Variants in SI observed in about 807,000 individuals in gnomAD.
SI encodes the protein sucrase-isomaltase, intestinal.
A neutral mutation model predicts 253.3 loss-of-function variants in SI; 235 were observed. That is an observed-to-expected ratio of 0.93 (90% CI 0.83 to 1.03). The LOEUF (loss-of-function observed/expected upper bound fraction) is 1.03, where lower values mean the gene tolerates loss of function less well. Ranked by LOEUF, SI falls within the 50% of genes least tolerant of loss-of-function variation. The pLI is 0.00. For synonymous variants in SI, 819 were observed against 712.0 expected (o/e 1.15, Z -2.39); for missense variants, 2,442 against 2,211.1 (o/e 1.10, Z -2.09).
At chr3:165,029,972 G>C (rs960998858) in intron 25 of SI, among the ~76,000 whole-genome samples, 1 of 150,324 alleles carries the variant, frequency 6.7e-6, no homozygotes, top group African/African-American at 2.4e-5. Flanking sequence ...AGAGAAATTG[G>C]GATAATTTCT....
intron 1 of SI, among the ~76,000 whole-genome samples, chr3:165,078,110 C>T (rs921272879): frequency 1.3e-5 from 2 of 151,038 alleles, no homozygotes; most frequent in Admixed American, 6.6e-5. Context: ...CTTTATTATT[C>T]ATCTATTTTT....
intron 37 of SI, among the ~76,000 whole-genome samples, chr3:165,006,475 TTA>T (rs1261502953): frequency 4.6e-5 from 7 of 152,336 alleles, no homozygotes; most frequent in African/African-American, 1.7e-4. Flanking sequence ...TGATATCAAA[TTA>T]TATGTTATTA....
At chr3:165,023,891 CA>C (rs1711763737) in intron 25 of SI, 115 bp from the exon 26 acceptor site, 1 of 771,094 alleles carries the variant, frequency 1.3e-6, no homozygotes. Context: ...TTCATTAATA[CA>C]AAAATGAAAT....
rs769773706 is a variant in SI at position 165,030,752 on chromosome 3, G to C, written c.2852C>G (p.Thr951Ser). ...FNCYPDADLATEQKCTQRGCV... is the reference protein window; with the variant it reads ...FNCYPDADLASEQKCTQRGCV... ...GCCACGTTGTGTGCACTTTTGTTCA[G>C]TTGCCAAATCTGCATCTGGATAACA... The change falls in exon 25 of 48, where the codon ACT (threonine) becomes AGT (serine). Residue 951 changes from threonine (T) to serine (S), a missense_variant. Thr to Ser is a moderately conservative substitution (Grantham distance 58). Coordinates refer to ENST00000264382, the MANE Select transcript of SI (RefSeq NM_001041.4). The C allele has an allele frequency of 3.0e-5, 49 of 1,608,646 alleles. 2 individuals are homozygous for C. Among genetic ancestry groups the C allele is most frequent in the South Asian group, 2.0e-4 (18 of 90,896 alleles).
chr3:165,012,573 C>T (rs939902460), intron 34 of SI, among the ~76,000 whole-genome samples: 1 of 150,918 alleles, frequency 6.6e-6, no homozygotes, highest in Non-Finnish European at 1.5e-5. Context: ...GGTCTACAGG[C>T]TCCCGCCACC....
chr3:165,060,332 AATAAG>A (rs1166926225), intron 9 of SI, among the ~76,000 whole-genome samples: 1 of 152,134 alleles, frequency 6.6e-6, no homozygotes, highest in African/African-American at 2.4e-5. Flanking sequence ...TAGAAAGTTA[AATAAG>A]ATAATACAAG....
chr3:165,055,402 T>C, intron 12 of SI, 95 bp from the exon 13 acceptor site: 1 of 724,304 alleles, frequency 1.4e-6, no homozygotes, highest in Non-Finnish European at 2.3e-6. Flanking sequence ...TAAAAAAAAA[T>C]AAAGTTATTC....
intron 22 of SI, among the ~76,000 whole-genome samples, chr3:165,033,970 T>A (rs1712393049): frequency 6.6e-6 from 1 of 151,744 alleles, no homozygotes; most frequent in East Asian, 1.9e-4. Flanking sequence ...AATACAATGA[T>A]TCTGTACCAT....
chr3:165,070,389 T>G (rs2108104048), intron 3 of SI, among the ~76,000 whole-genome samples: 1 of 147,108 alleles, frequency 6.8e-6, no homozygotes, highest in African/African-American at 2.5e-5. Flanking sequence ...TGTTTGAGTA[T>G]GTATTTATAT....
the SI span, among the ~76,000 whole-genome samples, chr3:165,084,824 T>C: frequency 6.6e-6 from 1 of 152,206 alleles, no homozygotes; most frequent in Non-Finnish European, 1.5e-5. Flanking sequence ...ATGATTTCTC[T>C]GTAACGGTTA....
At position 165,013,159 on chromosome 3, in the gene SI, T is replaced by C. The variant is rs1235866838; in HGVS notation, c.4000-117A>G. 11 of 763,438 alleles carry C rather than the reference T, an allele frequency of 1.4e-5. No individual in the cohort carries two copies. The Admixed American group carries it at 1.9e-4, about 14-fold the overall frequency. The allele number at this position is 763,438 out of a possible 1,614,324, so 47.3% of individuals were successfully genotyped here. A position where few individuals can be genotyped will look rare whatever the true frequency, so the allele number is the denominator to read the frequency against. ...TTATTATTAACTCAAAGTCTTCAGA[T>C]CTGCAATCCCTTCAAATCTCATTAT... On this transcript the variant is annotated intron_variant, in intron 33 of 47. Transcript: ENST00000264382.
At chr3:165,052,736 G>A (rs996524443) in intron 13 of SI, among the ~76,000 whole-genome samples, 1 of 152,014 alleles carries the variant, frequency 6.6e-6, no homozygotes, top group Non-Finnish European at 1.5e-5. Context: ...AATTGTGATA[G>A]TGATCTGATG....
the SI span, among the ~76,000 whole-genome samples, chr3:165,087,069 T>C: frequency 1.3e-5 from 2 of 152,056 alleles, no homozygotes. Flanking sequence ...GTAACAAATC[T>C]GGTGTCCTTA....
intron 2 of SI, among the ~76,000 whole-genome samples, chr3:165,075,511 T>A (rs1375581782): frequency 1.3e-5 from 2 of 151,960 alleles, no homozygotes; most frequent in Admixed American, 1.3e-4. Context: ...CAAAGAATAT[T>A]TGCTAAAATC....
intron 47 of SI, among the ~76,000 whole-genome samples, chr3:164,980,884 G>A (rs758875707): frequency 6.6e-6 from 1 of 151,898 alleles, no homozygotes; most frequent in Admixed American, 6.6e-5. Context: ...TAAATAAAAG[G>A]TAAGATATTA....
chr3:165,032,788 T>A, intron 23 of SI, 96 bp from the exon 24 acceptor site: 1 of 737,288 alleles, frequency 1.4e-6, no homozygotes, highest in Non-Finnish European at 2.3e-6. Context: ...GGTCATCATC[T>A]ACATCTCTAT....
At chr3:165,075,290 A>G (rs1233538983) in intron 2 of SI, among the ~76,000 whole-genome samples, 1 of 152,000 alleles carries the variant, frequency 6.6e-6, no homozygotes, top group African/African-American at 2.4e-5. Flanking sequence ...ACTGTAGTCT[A>G]GAAGATAATG....
chr3:165,043,366 G>A (rs1009518457), intron 16 of SI, among the ~76,000 whole-genome samples, 191 bp from the exon 17 acceptor site: 4 of 151,658 alleles, frequency 2.6e-5, no homozygotes, highest in African/African-American at 9.7e-5. Flanking sequence ...TATTTTATAT[G>A]TTCTTTCCTT....
chr3:165,031,679 C>A (rs1458974503), intron 24 of SI, among the ~76,000 whole-genome samples: 2 of 150,282 alleles, frequency 1.3e-5, no homozygotes, highest in African/African-American at 4.9e-5. Flanking sequence ...TGTTCTATAT[C>A]TTAAATAATT....
Sources: gnomAD v4.1 joint callset for allele counts (sites outside exome capture counted in the v4.1 genomes callset) on GRCh38, gnomAD v4.1.1 for gene constraint, MANE v1.5 for transcripts, NCBI Gene and HGNC (gene_info 2026-07-23, HGNC 2026-07-21) for gene names.